Variants in CFAP299 observed in about 807,000 individuals in gnomAD.
The protein encoded by CFAP299 is cilia and flagella associated protein 299.
In CFAP299, 21 loss-of-function variants were observed where a neutral mutation model predicts 27.0. The ratio of observed to expected loss-of-function variants is 0.78; its 90% confidence interval spans 0.55 to 1.12. The LOEUF is 1.12. Among genes scored for constraint, CFAP299 ranks in the 50% most tolerant of loss-of-function variants. CFAP299 has a pLI of 0.00. For missense variants in CFAP299, 310 were observed against 276.6 expected, an observed-to-expected ratio of 1.12 and a Z score of -0.86; for synonymous variants, 104 against 98.1, an observed-to-expected ratio of 1.06 and a Z score of -0.36.
intron 3 of CFAP299, among the ~76,000 whole-genome samples, chr4:80,867,774 C>T (rs1732831545): frequency 6.6e-6 from 1 of 152,202 alleles, no homozygotes; most frequent in Non-Finnish European, 1.5e-5. Flanking sequence ...TCAAAAGGCT[C>T]TGTCTTCAAA....
chr4:80,448,417 T>C (rs1273493742), intron 2 of CFAP299, among the ~76,000 whole-genome samples: 6 of 152,200 alleles, frequency 3.9e-5, no homozygotes, highest in Non-Finnish European at 7.3e-5. Flanking sequence ...TATATGGTTA[T>C]TTGAGTCTAT....
chr4:80,460,140 C>A (rs116498535), intron 2 of CFAP299, among the ~76,000 whole-genome samples: 5,153 of 152,148 alleles, frequency 0.034, 263 homozygotes, highest in African/African-American at 0.12. Context: ...TGAAACCTCA[C>A]AGGTAGCAGT....
At chr4:80,728,739 G>A (rs1165852005) in intron 3 of CFAP299, among the ~76,000 whole-genome samples, 1 of 152,086 alleles carries the variant, frequency 6.6e-6, no homozygotes, top group East Asian at 1.9e-4. Context: ...CCCAAATTGA[G>A]GACTTGATAA....
intron 2 of CFAP299, among the ~76,000 whole-genome samples, chr4:80,420,728 TATTA>T (rs1317707116): frequency 3.9e-5 from 6 of 152,246 alleles, no homozygotes; most frequent in Non-Finnish European, 8.8e-5. Flanking sequence ...CTGTTCACTT[TATTA>T]ATTGTTTCCT....
intron 3 of CFAP299, among the ~76,000 whole-genome samples, chr4:80,615,193 A>AG (rs1738210084): frequency 6.6e-6 from 1 of 152,180 alleles, no homozygotes; most frequent in Non-Finnish European, 1.5e-5. Context: ...GTCTGAGCAA[A>AG]TTAGTTTAGT....
intron 3 of CFAP299, among the ~76,000 whole-genome samples, chr4:80,736,949 G>A (rs1282094685): frequency 3.3e-5 from 5 of 152,258 alleles, no homozygotes; most frequent in Admixed American, 2.6e-4. Context: ...TTAAGAAAAT[G>A]TGGCACATAT....
chr4:80,501,191 T>G (rs1273773365), intron 2 of CFAP299, among the ~76,000 whole-genome samples: 1 of 151,994 alleles, frequency 6.6e-6, no homozygotes, highest in African/African-American at 2.4e-5. Flanking sequence ...TATCCTTGCT[T>G]TTGGTCCTTT....
At chr4:80,926,481 A>G (rs961557743) in intron 4 of CFAP299, among the ~76,000 whole-genome samples, 1 of 152,052 alleles carries the variant, frequency 6.6e-6, no homozygotes, top group African/African-American at 2.4e-5. Flanking sequence ...TTGATGTACA[A>G]TGAAATATTT....
At chr4:80,447,142 T>G (rs1277353455) in intron 2 of CFAP299, among the ~76,000 whole-genome samples, 10 of 119,506 alleles carry the variant, frequency 8.4e-5, no homozygotes, top group African/African-American at 3.2e-4. Flanking sequence ...TTTTTTTTTT[T>G]TTTTTTTTTT....
intron 3 of CFAP299, among the ~76,000 whole-genome samples, chr4:80,845,186 T>C (rs1022614981): frequency 2.0e-5 from 3 of 152,044 alleles, no homozygotes; most frequent in African/African-American, 4.8e-5. Flanking sequence ...AGTCAGGTAG[T>C]GTGATGCCTC....
intron 2 of CFAP299, among the ~76,000 whole-genome samples, chr4:80,370,139 A>T (rs1037573435): frequency 1.3e-5 from 2 of 152,162 alleles, no homozygotes; most frequent in African/African-American, 4.8e-5. Context: ...TTACATGGCC[A>T]GAGCAGGAGG....
intron 2 of CFAP299, among the ~76,000 whole-genome samples, chr4:80,413,625 C>T (rs1006339266): frequency 5.3e-5 from 8 of 152,086 alleles, no homozygotes; most frequent in African/African-American, 1.9e-4. Context: ...CAGAAATTCA[C>T]TTTTCGTCTG....
chr4:80,414,163 C>T (rs368870508), intron 2 of CFAP299, among the ~76,000 whole-genome samples: 3 of 148,774 alleles, frequency 2.0e-5, no homozygotes, highest in South Asian at 2.2e-4. Context: ...CTCCGCCTCC[C>T]GGGTTCACGC....
chr4:80,770,667 T>C (rs1042668282), intron 3 of CFAP299, among the ~76,000 whole-genome samples: 2 of 152,222 alleles, frequency 1.3e-5, no homozygotes, highest in Non-Finnish European at 2.9e-5. Flanking sequence ...TTGTCTTTCC[T>C]TTAAAAAACT....
At chr4:80,894,140 A>G (rs915845388) in intron 4 of CFAP299, among the ~76,000 whole-genome samples, 2 of 151,996 alleles carry the variant, frequency 1.3e-5, no homozygotes, top group Non-Finnish European at 1.5e-5. Context: ...AATCATGAAA[A>G]ATATGAAAAT....
At chr4:80,699,662 A>C (rs1230779111) in intron 3 of CFAP299, among the ~76,000 whole-genome samples, 1 of 152,276 alleles carries the variant, frequency 6.6e-6, no homozygotes, top group African/African-American at 2.4e-5. Context: ...GGGCATTTTT[A>C]CTAGATCAAG....
intron 3 of CFAP299, among the ~76,000 whole-genome samples, chr4:80,684,681 T>TG (rs1029632301): frequency 6.6e-5 from 10 of 152,136 alleles, no homozygotes; most frequent in African/African-American, 1.4e-4. Flanking sequence ...AAATCTTTTT[T>TG]TTGTTGTTGT....
intron 3 of CFAP299, among the ~76,000 whole-genome samples, chr4:80,688,095 C>G (rs975661276): frequency 6.6e-6 from 1 of 152,174 alleles, no homozygotes; most frequent in Non-Finnish European, 1.5e-5. Flanking sequence ...AACTGCAAGA[C>G]GGCAGCGAGG....
Position 80,821,873 on chromosome 4 carries a change from T to C in CFAP299, c.334-48120T>C, listed in dbSNP as rs182556965. Among the ~76,000 whole-genome samples, 24 of 151,148 alleles carry C rather than the reference T, an allele frequency of 1.6e-4. 2 individuals are homozygous for C. In the East Asian group the frequency reaches 4.7e-3, roughly 29 times the overall value. ...TGATGGGGAGGTGGATGCATAGCCA[T>C]CCCCTGGCTCAGTACACAACACACA... On this transcript the variant is annotated intron_variant, in intron 3 of 5. Transcript: ENST00000358105.
Sources: gnomAD v4.1 joint callset for allele counts (sites outside exome capture counted in the v4.1 genomes callset) on GRCh38, gnomAD v4.1.1 for gene constraint, MANE v1.5 for transcripts, NCBI Gene and HGNC (gene_info 2026-07-23, HGNC 2026-07-21) for gene names.